Variants in IFT81 observed in about 807,000 individuals in gnomAD.
The protein encoded by IFT81 is intraflagellar transport 81.
IFT81 carries 72 observed loss-of-function variants against 102.6 expected under a neutral mutation model. The ratio of observed to expected loss-of-function variants is 0.70; its 90% confidence interval spans 0.58 to 0.85. The LOEUF is 0.85. IFT81 is among the 40% of genes least tolerant of loss of function. The probability of loss-of-function intolerance (pLI) is 0.00; values close to 1 mark genes in which losing one functional copy is unlikely to be tolerated. For synonymous variants in IFT81, 237 were observed against 242.7 expected, an observed-to-expected ratio of 0.98 and a Z score of 0.22; for missense variants, 723 against 787.3, an observed-to-expected ratio of 0.92 and a Z score of 0.98.
rs74751482 is a variant in IFT81, at chr12:110,199,361, C to T, written c.1558-4503C>T. On this transcript the variant is annotated intron_variant, in intron 14 of 18. Coordinates refer to ENST00000242591, the MANE Select transcript of IFT81 (RefSeq NM_014055.4). Reference sequence around the variant, plus strand: ...CCAGGATGGAAGGTGTACACCTCTACAGTGGTTTTTCAGTTTTTCTGTTTT... The same window carrying T: ...CCAGGATGGAAGGTGTACACCTCTATAGTGGTTTTTCAGTTTTTCTGTTTT... Among the ~76,000 whole-genome samples, 1,086 of 152,208 alleles carry T rather than the reference C, an allele frequency of 7.1e-3. 11 individuals carry two copies. Among genetic ancestry groups the T allele is most frequent in the Middle Eastern group, 0.02 (6 of 294 alleles).
intron 11 of IFT81, among the ~76,000 whole-genome samples, chr12:110,175,803 C>T (rs542328044): frequency 6.6e-6 from 1 of 151,926 alleles, no homozygotes; most frequent in Non-Finnish European, 1.5e-5. Flanking sequence ...AATGGTATCT[C>T]ATTGTTTTAT....
chr12:110,188,264 G>A (rs1027464895), intron 12 of IFT81, among the ~76,000 whole-genome samples: 5 of 151,616 alleles, frequency 3.3e-5, no homozygotes, highest in South Asian at 4.2e-4. Flanking sequence ...CCTGGGAGGC[G>A]GAGGTTGCAG....
At chr12:110,168,465 C>A in intron 11 of IFT81, 1 of 965,188 alleles carries the variant, frequency 1.0e-6, no homozygotes, top group Non-Finnish European at 1.2e-6. Context: ...GCCAATTCAA[C>A]ACATCATCTG....
chr12:110,174,937 A>G (rs1231898937), intron 11 of IFT81, among the ~76,000 whole-genome samples: 4 of 152,250 alleles, frequency 2.6e-5, no homozygotes, highest in Non-Finnish European at 4.4e-5. Context: ...TTAGAGTTTC[A>G]CACAACTGAG....
At chr12:110,180,625 G>T in intron 12 of IFT81, 54 bp downstream of exon 12, 2 of 1,377,482 alleles carry the variant, frequency 1.5e-6, no homozygotes, top group Non-Finnish European at 2.0e-6. Context: ...GAGGTTTATG[G>T]GTTACAGCTT....
At chr12:110,127,598 G>A (rs1197104901) in intron 2 of IFT81, 74 bp downstream of exon 2, 17 of 1,356,066 alleles carry the variant, frequency 1.3e-5, no homozygotes, top group Non-Finnish European at 9.8e-6. Context: ...TGAGTCTTGG[G>A]CACATTATTT....
intron 14 of IFT81, among the ~76,000 whole-genome samples, chr12:110,195,872 G>A (rs915332763): frequency 5.9e-5 from 9 of 152,120 alleles, no homozygotes; most frequent in Non-Finnish European, 1.2e-4. Context: ...TTTCCTTGAG[G>A]ATTTTTTTTA....
At chr12:110,142,750 A>T (rs1054000451) in intron 8 of IFT81, among the ~76,000 whole-genome samples, 3 of 151,838 alleles carry the variant, frequency 2.0e-5, no homozygotes, top group Admixed American at 2.0e-4. Flanking sequence ...AAAATTACCT[A>T]GGCGTGGTGA....
rs562693138 is a variant in IFT81, at chr12:110,133,666, G to A, written c.519+1030G>A. On this transcript the variant is annotated intron_variant, in intron 5 of 18. Coordinates refer to ENST00000242591, the MANE Select transcript of IFT81 (RefSeq NM_014055.4). ...GAAAAAATAATTCACTCATAATCTC[G>A]TTCTCCAGAGACAACTATGGTTGAC... Among the ~76,000 whole-genome samples the A allele has an allele frequency of 1.4e-4, 22 of 152,034 alleles. No homozygotes were observed. In the South Asian group the frequency reaches 1.9e-3, roughly 13 times the overall value.
intron 10 of IFT81, among the ~76,000 whole-genome samples, chr12:110,148,368 C>T (rs746964782): frequency 1.6e-4 from 25 of 151,658 alleles, no homozygotes; most frequent in Non-Finnish European, 2.8e-4. Flanking sequence ...TGATAATGCT[C>T]GGTTGTCTGA....
intron 5 of IFT81, 24 bp from the exon 6 acceptor site, chr12:110,134,924 A>G: frequency 3.2e-6 from 5 of 1,576,136 alleles, no homozygotes; most frequent in South Asian, 1.1e-5. Context: ...TTTTTCTTAT[A>G]AGGTCTTCTT....
intron 8 of IFT81, among the ~76,000 whole-genome samples, chr12:110,142,698 T>C (rs982829336): frequency 1.2e-4 from 18 of 151,464 alleles, no homozygotes; most frequent in Admixed American, 6.6e-4. Flanking sequence ...GAGACCAGCC[T>C]GGGCAACATG....
At chr12:110,170,078 G>A (rs1013701716) in intron 11 of IFT81, among the ~76,000 whole-genome samples, 10 of 151,370 alleles carry the variant, frequency 6.6e-5, no homozygotes, top group East Asian at 3.9e-4. Flanking sequence ...TCAGCCTCCC[G>A]AGTAGCTGGG....
chr12:110,187,424 C>T (rs921880173), intron 12 of IFT81, among the ~76,000 whole-genome samples: 29 of 152,106 alleles, frequency 1.9e-4, no homozygotes, highest in African/African-American at 5.1e-4. Context: ...CCACCACACC[C>T]GGCTAATTTT....
intron 11 of IFT81, among the ~76,000 whole-genome samples, chr12:110,174,913 C>T (rs1309814506): frequency 6.6e-6 from 1 of 152,166 alleles, no homozygotes; most frequent in East Asian, 1.9e-4. Flanking sequence ...CCCAAATGCA[C>T]GCAGAGATAA....
At chr12:110,208,492 T>G (rs1868979424) in intron 17 of IFT81, among the ~76,000 whole-genome samples, 1 of 151,974 alleles carries the variant, frequency 6.6e-6, no homozygotes, top group African/African-American at 2.4e-5. Context: ...GGCAACAGAG[T>G]GAGACCTTGT....
chr12:110,177,439 C>T (rs192956587), intron 11 of IFT81, among the ~76,000 whole-genome samples: 23 of 152,204 alleles, frequency 1.5e-4, no homozygotes, highest in South Asian at 8.3e-4. Context: ...CACACCACCA[C>T]GCCCAGCTTA....
chr12:110,154,858 T>TA (rs1187344446), intron 10 of IFT81, among the ~76,000 whole-genome samples: 1 of 152,070 alleles, frequency 6.6e-6, no homozygotes, highest in Non-Finnish European at 1.5e-5. Flanking sequence ...TCTCAGCCTC[T>TA]ATATGTCTCA....
intron 5 of IFT81, among the ~76,000 whole-genome samples, 196 bp from the exon 6 acceptor site, chr12:110,134,752 C>T (rs1894379524): frequency 6.6e-6 from 1 of 152,108 alleles, no homozygotes; most frequent in African/African-American, 2.4e-5. Flanking sequence ...GAACACCAAG[C>T]TGCCAAAAAA....
Sources: allele counts gnomAD v4.1 joint callset (sites outside exome capture counted in the v4.1 genomes callset), GRCh38; gene constraint gnomAD v4.1.1; transcripts MANE v1.5; gene names NCBI Gene and HGNC (gene_info 2026-07-23, HGNC 2026-07-21).